Variants in PLEC observed in about 807,000 individuals in gnomAD.
The protein encoded by PLEC is plectin, also known as hemidesmosomal protein 1.
Under a neutral mutation model 392.8 loss-of-function variants are expected in PLEC, and 216 were observed. The ratio of observed to expected loss-of-function variants is 0.55; its 90% CI spans 0.49 to 0.62. The LOEUF (loss-of-function observed/expected upper bound fraction) is 0.62. Among genes scored for constraint, PLEC ranks in the 20% least tolerant of loss-of-function variants. PLEC has a pLI of 0.00. For missense variants in PLEC, 6,863 were observed against 6,563.4 expected, an observed-to-expected ratio of 1.05 and a Z score of -1.58; for synonymous variants, 3,621 against 2,980.6, an observed-to-expected ratio of 1.21 and a Z score of -7.00.
Position 143,924,723 on chromosome 8 carries a change from G to C in PLEC, c.5206C>G (p.Leu1736Val), listed in dbSNP as rs1586916448. ...GCCGCCTCACGCTGCAGCCGGGCCA[G>C]CTCCTCCTCCAGCAGCTGCCGCTGC... ...EQQRQLLEEE[L>V]ARLQREAAAA... Residue 1736 changes from leucine to valine, a missense_variant, in exon 31 of 32, where the codon CTG (leucine) becomes GTG (valine). By Grantham distance (32) the Leu-to-Val change is conservative. Coordinates refer to ENST00000345136, the MANE Select transcript of PLEC (RefSeq NM_201384.3). The C allele has an allele frequency of 6.5e-7, 1 of 1,533,936 alleles. No homozygotes were observed. The highest frequency in any genetic ancestry group is 8.7e-7 in the Non-Finnish European group (1 of 1,145,940).
intron 29 of PLEC, 37 bp downstream of exon 29, chr8:143,926,940 C>G: frequency 6.2e-7 from 1 of 1,605,568 alleles, no homozygotes; most frequent in Non-Finnish European, 8.5e-7. Flanking sequence ...CAGAGGCCTG[C>G]CAGCCCCTCA....
In PLEC at chr8:143,916,006, A is replaced by G; in HGVS notation, c.*171T>C. The G allele has an allele frequency of 3.8e-6, 2 of 525,008 alleles. No homozygotes were observed. Among genetic ancestry groups the G allele is most frequent in the Non-Finnish European group, 6.6e-6 (2 of 304,226 alleles). The allele number at this position is 525,008 out of a possible 1,614,324, so 32.5% of individuals were successfully genotyped here. A position where few individuals can be genotyped will look rare whatever the true frequency, so the allele number is the denominator to read the frequency against. ...AGGGCTGGGCCAGCCCTGTCCCCCA[A>G]GATACAGGCTGTCTGGACAGCAGAT... On this transcript the variant is annotated 3_prime_UTR_variant, in exon 32 of 32. Transcript: ENST00000345136.
chr8:143,953,857 G>A, upstream of PLEC: 1 of 1,576,632 alleles, frequency 6.3e-7, no homozygotes, highest in South Asian at 1.1e-5. Flanking sequence ...GCCGCAGCCG[G>A]GGGAGGAGCC....
intron 1 of PLEC, among the ~76,000 whole-genome samples, chr8:143,968,619 G>A (rs1833248496): frequency 6.6e-6 from 1 of 151,448 alleles, no homozygotes; most frequent in South Asian, 2.1e-4. Context: ...TCTGATAAAG[G>A]ACTGGCATCT....
chr8:143,975,482 A>C, upstream of PLEC: 2 of 926,532 alleles, frequency 2.2e-6, no homozygotes, highest in East Asian at 5.2e-5. This position sits in a 1 kb window ranked among gnomAD's most constrained non-coding sequence, Gnocchi z 9.9. Flanking sequence ...CTCCCCACCC[A>C]GCCTCTCGCC....
upstream of PLEC, chr8:143,944,105 CCTCCCCACCCTCG>C (rs1268525756): frequency 4.1e-5 from 26 of 629,052 alleles, no homozygotes; most frequent in Non-Finnish European, 5.9e-5. Flanking sequence ...GCCCTCGGCG[CCTCCCCACCCTCG>C]CTCCCCACCC....
At chr8:143,930,959 C>T (rs1827072637) in intron 19 of PLEC, among the ~76,000 whole-genome samples, 1 of 152,194 alleles carries the variant, frequency 6.6e-6, no homozygotes, top group African/African-American at 2.4e-5. Flanking sequence ...GAGGCCATTT[C>T]AGTCTCCAGT....
In PLEC at chr8:143,929,092, G is replaced by A. The variant is rs1554710132; in HGVS notation, c.3260+11C>T. ...GACCCCAGCCCCTCGCCTGTGGCCA[G>A]GTGCACTCACTTCTCCAGGTAGATG... On this transcript the variant is annotated intron_variant, in intron 25 of 31. Transcript: ENST00000345136. The A allele has an allele frequency of 6.4e-7, 1 of 1,563,382 alleles. No individual in the cohort carries two copies. Among genetic ancestry groups the A allele is most frequent in the Non-Finnish European group, 8.7e-7 (1 of 1,154,328 alleles).
intron 18 of PLEC, 50 bp from the exon 19 acceptor site, chr8:143,931,709 A>T (rs1322825809): frequency 6.3e-7 from 1 of 1,575,266 alleles, no homozygotes; most frequent in Non-Finnish European, 8.6e-7. Context: ...CCAGAGCCCC[A>T]GCCCACAGTT....
At chr8:143,965,156 G>T (rs898046421) in intron 1 of PLEC, among the ~76,000 whole-genome samples, 1 of 152,026 alleles carries the variant, frequency 6.6e-6, no homozygotes, top group Non-Finnish European at 1.5e-5. Flanking sequence ...CTGCAGCACT[G>T]GCCCTGGGTC....
chr8:143,971,480 C>T (rs1333650079), intron 1 of PLEC, among the ~76,000 whole-genome samples: 2 of 152,092 alleles, frequency 1.3e-5, no homozygotes, highest in Admixed American at 6.5e-5. Flanking sequence ...CAGGAAGGGC[C>T]GGGGCTCCAG....
chr8:143,950,328 G>T, exon 1 of PLEC: 1 of 1,577,320 alleles, frequency 6.3e-7, no homozygotes, highest in Non-Finnish European at 8.6e-7. Flanking sequence ...CCCCGCTTGG[G>T]TGGGGAGCCC....
chr8:143,959,170 C>A (rs1294230789), intron 1 of PLEC, among the ~76,000 whole-genome samples: 1 of 152,198 alleles, frequency 6.6e-6, no homozygotes, highest in African/African-American at 2.4e-5. Flanking sequence ...CGGTCCAGCG[C>A]CAGGACATGG....
rs760585494 is a variant in PLEC at position 143,924,879 on chromosome 8, C to A, written c.5050G>T (p.Val1684Phe). 16 of 1,588,982 alleles carry A rather than the reference C, an allele frequency of 1.0e-5. No homozygotes were observed. Among genetic ancestry groups the A allele is most frequent in the Non-Finnish European group, 1.4e-5 (16 of 1,175,234 alleles). ...RRRGKAEEQAVRQRELAEQEL... is the reference protein window; with the variant it reads ...RRRGKAEEQAFRQRELAEQEL... ...TGTTCAGCCAGCTCCCGCTGCCGGA[C>A]GGCCTGCTCCTCCGCCTTGCCGCGC... The change falls in exon 31 of 32, where the codon GTC (valine) becomes TTC (phenylalanine). Residue 1684 changes from valine (V) to phenylalanine (F), a missense_variant. Val to Phe is a conservative substitution (Grantham distance 50). Coordinates refer to ENST00000345136, the MANE Select transcript of PLEC (RefSeq NM_201384.3).
In PLEC at chr8:143,929,931, C is replaced by T. The variant is rs782147311; in HGVS notation, c.2739+5G>A. 4.8e-5 allele frequency: 77 copies of T among 1,608,944 alleles called. No individual in the cohort carries two copies. Among genetic ancestry groups the T allele is most frequent in the East Asian group, 4.5e-5 (2 of 44,850 alleles). ...AGAGAGCCCCCGGCTCGGGGGCAGG[C>T]GTACCGTGGCCAGGGACCAGGAGCG... On this transcript the variant is annotated splice_donor_5th_base_variant and intron_variant, in intron 22 of 31. Transcript: ENST00000345136.
At position 143,929,691 on chromosome 8, in the gene PLEC, A is replaced by G. The variant is rs2131727965; in HGVS notation, c.2878T>C (p.Ser960Pro). 6.3e-7 allele frequency: 1 copy of G among 1,599,962 alleles called. No individual in the cohort carries two copies. Among genetic ancestry groups the G allele is most frequent in the Non-Finnish European group, 8.5e-7 (1 of 1,179,302 alleles). Reference sequence around the variant, plus strand: ...AGCTGCTGGTAGTGGTGGCTGCAGGAGCCGTACTCGCGCTCAGCCATCAGC... The same window carrying G: ...AGCTGCTGGTAGTGGTGGCTGCAGGGGCCGTACTCGCGCTCAGCCATCAGC... ...DRLMAEREYG[S>P]CSHHYQQLLQ... Residue 960 changes from serine to proline, a missense_variant, in exon 23 of 32, where the codon TCC (serine) becomes CCC (proline). Physicochemically the swap from Ser to Pro is moderately conservative, Grantham distance 74. Coordinates refer to ENST00000345136, the MANE Select transcript of PLEC (RefSeq NM_201384.3).
chr8:143,919,230 C>A lies in PLEC; in HGVS notation c.10591G>T (p.Val3531Leu). The change falls in exon 32 of 32, where the codon GTG becomes TTG. Residue 3531 changes from valine to leucine, a missense_variant. By Grantham distance (32) the Val-to-Leu change is conservative. Transcript: ENST00000345136. ...LTYRQLLERC[V>L]EDPETGLRLL... ...CGCAAGCCCGTCTCGGGGTCCTCCA[C>A]GCACCGCTCCAGCAGCTGCCTGTAC... 1 of 1,613,896 alleles carries A rather than the reference C, an allele frequency of 6.2e-7. No homozygotes were observed. Among genetic ancestry groups the A allele is most frequent in the East Asian group, 2.2e-5 (1 of 44,878 alleles).
In PLEC at chr8:143,923,222, T is replaced by A; in HGVS notation, c.6707A>T (p.Gln2236Leu). The change falls in exon 31 of 32, where the codon CAG becomes CTG. Residue 2236 changes from glutamine (Q) to leucine (L), a missense_variant. Transcript: ENST00000345136. ...CTTGAGCTTGCTCAGCTCCTCCATC[T>A]GCACGCGCACCGAGAAGAGCTCCTC... ...VEEELFSVRV[Q>L]MEELSKLKAR... The A allele has an allele frequency of 6.2e-7, 1 of 1,603,354 alleles. No homozygotes were observed. The highest frequency in any genetic ancestry group is 8.5e-7 in the Non-Finnish European group (1 of 1,179,890).
At chr8:143,931,509 C>G (rs577582223) in intron 19 of PLEC, 25 bp downstream of exon 19, 1 of 1,556,778 alleles carries the variant, frequency 6.4e-7, no homozygotes, top group East Asian at 2.4e-5. Flanking sequence ...CCTCCTGACA[C>G]GCCCCTGCAC....
Sources: allele counts gnomAD v4.1 joint callset (sites outside exome capture counted in the v4.1 genomes callset), GRCh38; gene constraint gnomAD v4.1.1; non-coding constraint Gnocchi (gnomAD v3.1); transcripts MANE v1.5; gene names NCBI Gene and HGNC (gene_info 2026-07-23, HGNC 2026-07-21).